POM121C: variants seen among roughly 807,000 people sequenced by gnomAD.
The protein encoded by POM121C is nuclear envelope pore membrane protein POM 121C.
POM121C carries 20 observed loss-of-function variants against 66.4 expected under a neutral mutation model. That is an observed-to-expected ratio of 0.30 (90% CI 0.21 to 0.44). The LOEUF (loss-of-function observed/expected upper bound fraction) is 0.44, where lower values mean the gene tolerates loss of function less well. Among genes scored for constraint, POM121C ranks in the 20% least tolerant of loss-of-function variants. The probability of loss-of-function intolerance (pLI) is 1.00; values close to 1 mark genes in which losing one functional copy is unlikely to be tolerated. For missense variants in POM121C, 580 were observed against 1,225.7 expected (o/e 0.47, Z 7.87); for synonymous variants, 286 against 528.0 (o/e 0.54, Z 6.28).
chr7:75,430,365 G>A (rs782532505), intron 7 of POM121C, among the ~76,000 whole-genome samples: 35 of 152,006 alleles, frequency 2.3e-4, no homozygotes, highest in Non-Finnish European at 2.1e-4. Context: ...ACATATATAC[G>A]GACACTTAAA....
chr7:75,419,669 GA>G, intron 13 of POM121C: 3 of 554,670 alleles, frequency 5.4e-6, no homozygotes, highest in East Asian at 3.3e-5. Context: ...CCAGGGCAGA[GA>G]AAAAGCCCCC....
intron 3 of POM121C, among the ~76,000 whole-genome samples, chr7:75,446,965 G>A (rs1350005049): frequency 3.9e-5 from 5 of 127,636 alleles, no homozygotes; most frequent in East Asian, 2.2e-4. Flanking sequence ...CCGATATGGC[G>A]CCACTGCACT....
chr7:75,471,643 T>C (rs1554478658), intron 3 of POM121C, among the ~76,000 whole-genome samples: 1 of 151,848 alleles, frequency 6.6e-6, no homozygotes, highest in Non-Finnish European at 1.5e-5. Context: ...AAGACTGACT[T>C]TCATCGAAGG....
In POM121C at chr7:75,449,628, A is replaced by G. The variant is rs756150729; in HGVS notation, c.-151-7981T>C. ...TGTTCCACCCACCCGCAGCCTCCCA[A>G]AGTGCTGGGATTACAGGTGTGAGCT... On this transcript the variant is annotated intron_variant, in intron 3 of 14. Coordinates refer to ENST00000615331, the MANE Select transcript of POM121C (RefSeq NM_001099415.3). Among the ~76,000 whole-genome samples, 203 of 152,024 alleles carry G rather than the reference A, an allele frequency of 1.3e-3. 1 individual carries two copies. The highest frequency in any genetic ancestry group is 1.2e-3 in the Non-Finnish European group (83 of 67,996).
intron 3 of POM121C, among the ~76,000 whole-genome samples, chr7:75,474,219 C>A (rs1299602179): frequency 1.3e-5 from 2 of 152,098 alleles, no homozygotes; most frequent in Non-Finnish European, 2.9e-5. Context: ...CATGGTGAAA[C>A]CCTGTCTCTA....
At chr7:75,455,693 C>T (rs1791185390) in intron 3 of POM121C, among the ~76,000 whole-genome samples, 2 of 151,870 alleles carry the variant, frequency 1.3e-5, no homozygotes, top group Admixed American at 1.3e-4. Context: ...CCTTTGGGGT[C>T]CCCGCTCGCC....
chr7:75,465,898 A>G (rs1791625899), intron 3 of POM121C, among the ~76,000 whole-genome samples: 1 of 140,606 alleles, frequency 7.1e-6, no homozygotes, highest in African/African-American at 2.7e-5. Flanking sequence ...CCTGTCTCAA[A>G]AAAAAAAAAA....
chr7:75,467,531 CA>C (rs58341825), intron 3 of POM121C, among the ~76,000 whole-genome samples: 935 of 65,290 alleles, frequency 0.014, 5 homozygotes, highest in East Asian at 0.051. Context: ...GATTCTGTCT[CA>C]AAAAAAAAAA....
At chr7:75,432,137 A>G (rs1166571571) in intron 7 of POM121C, among the ~76,000 whole-genome samples, 3 of 150,498 alleles carry the variant, frequency 2.0e-5, no homozygotes, top group Non-Finnish European at 4.4e-5. Context: ...GTGAGCCGAG[A>G]TCGCGCCACT....
chr7:75,476,650 T>G (rs1563159668), intron 1 of POM121C, among the ~76,000 whole-genome samples: 1 of 151,816 alleles, frequency 6.6e-6, no homozygotes, highest in Non-Finnish European at 1.5e-5. Flanking sequence ...TGGGTTAACT[T>G]AGTCCAGAAG....
chr7:75,438,664 C>T lies in POM121C; in HGVS notation c.308+480G>A, dbSNP rs187178719. Among the ~76,000 whole-genome samples the T allele has an allele frequency of 3.3e-5, 5 of 152,346 alleles. No individual in the cohort carries two copies. The East Asian group carries it at 9.6e-4, about 29-fold the overall frequency. ...TGCCTCATTCTAGTCTTTCTTCTAA[C>T]AGCACAGACCAGGAGCACTTTAGCT... On this transcript the variant is annotated intron_variant, in intron 6 of 14. Coordinates refer to ENST00000615331, the MANE Select transcript of POM121C (RefSeq NM_001099415.3).
intron 3 of POM121C, among the ~76,000 whole-genome samples, chr7:75,465,145 C>T (rs1415019011): frequency 4.0e-5 from 6 of 151,706 alleles, no homozygotes; most frequent in African/African-American, 1.2e-4. Context: ...CAGGCATGCG[C>T]CACCATGCCC....
intron 3 of POM121C, among the ~76,000 whole-genome samples, chr7:75,448,611 G>A (rs1216015215): frequency 2.8e-5 from 4 of 141,024 alleles, no homozygotes; most frequent in Non-Finnish European, 6.1e-5. Context: ...AGACCAGACT[G>A]ACCAACATGG....
intron 1 of POM121C, among the ~76,000 whole-genome samples, chr7:75,476,967 A>G (rs1307938031): frequency 1.3e-5 from 2 of 152,120 alleles, no homozygotes; most frequent in Non-Finnish European, 2.9e-5. Flanking sequence ...CAAACTAAAG[A>G]AAATAGAAAC....
At chr7:75,468,371 G>A (rs1222229507) in intron 3 of POM121C, among the ~76,000 whole-genome samples, 4 of 139,176 alleles carry the variant, frequency 2.9e-5, no homozygotes, top group African/African-American at 1.1e-4. Context: ...AGGCTGGAGT[G>A]CAGTGGTGCA....
chr7:75,463,055 G>C lies in POM121C; in HGVS notation c.-152+11649C>G, dbSNP rs773983836. 2.3e-4 allele frequency among the ~76,000 whole-genome samples: 35 copies of C among 152,276 alleles called. No homozygotes were observed. In the East Asian group the frequency reaches 4.6e-3, roughly 20 times the overall value. Reference sequence around the variant, plus strand: ...TACACAGACTGGGCCGGGTGCGGTGGCTCACGCCTGTAATCCCAGCACTTT... The same window carrying C: ...TACACAGACTGGGCCGGGTGCGGTGCCTCACGCCTGTAATCCCAGCACTTT... On this transcript the variant is annotated intron_variant, in intron 3 of 14. Transcript: ENST00000615331.
In POM121C at chr7:75,441,473, C is replaced by T. The variant is rs781807935; in HGVS notation, c.24G>A (p.Val8=). Residue 8 remains valine (V), a synonymous_variant, in exon 4 of 15, where the codon GTG becomes GTA. Coordinates refer to ENST00000615331, the MANE Select transcript of POM121C (RefSeq NM_001099415.3). ...ATCTTCTGTCAGGAGGGGCGATCCTCACAGTCACTGGGCTACACACCATCC... is the reference window on the plus strand; with the variant it reads ...ATCTTCTGTCAGGAGGGGCGATCCTTACAGTCACTGGGCTACACACCATCC... MVCSPVT[V]RIAPPDRRFS... The T allele has an allele frequency of 3.3e-5, 54 of 1,613,818 alleles. No homozygotes were observed. The Admixed American group carries it at 9.0e-4, about 27-fold the overall frequency.
rs150025373 is a variant in POM121C at position 75,424,189 on chromosome 7, G to C, written c.908C>G (p.Thr303Ser). Reference protein sequence around the residue: ...ASNSVTETPPTTQPSFTFTLP... With the variant: ...ASNSVTETPPSTQPSFTFTLP... ...GGTAAAGGTAAATGAAGGCTGAGTG[G>C]TAGGTGGGGTCTCAGTGACAGAGTT... The change falls in exon 12 of 15, where the codon ACC (threonine) becomes AGC (serine). Residue 303 changes from threonine (T) to serine (S), a missense_variant. By Grantham distance (58) the Thr-to-Ser change is moderately conservative. Transcript: ENST00000615331. The C allele has an allele frequency of 1.3e-5, 21 of 1,611,786 alleles. No individual in the cohort carries two copies. Among genetic ancestry groups the C allele is most frequent in the Non-Finnish European group, 1.8e-5 (21 of 1,179,736 alleles).
rs1789561156 is a variant in POM121C, at chr7:75,418,433, C to A, written c.*363G>T. 9.6e-7 allele frequency: 1 copy of A among 1,037,092 alleles called. No homozygotes were observed. The highest frequency in any genetic ancestry group is 1.2e-6 in the Non-Finnish European group (1 of 862,958). The allele number at this position is 1,037,092 out of a possible 1,614,324, so 64.2% of individuals were successfully genotyped here. On this transcript the variant is annotated 3_prime_UTR_variant, in exon 15 of 15. Coordinates refer to ENST00000615331, the MANE Select transcript of POM121C (RefSeq NM_001099415.3). ...ACCGATCCAGGCGGGCTGGACCCTG[C>A]CCCCTCCAGCGACGACGGCTCTCGG...
Sources: gnomAD v4.1 joint callset for allele counts (sites outside exome capture counted in the v4.1 genomes callset) on GRCh38, gnomAD v4.1.1 for gene constraint, MANE v1.5 for transcripts, NCBI Gene and HGNC (gene_info 2026-07-23, HGNC 2026-07-21) for gene names.